CNTN5: variants seen among roughly 807,000 people sequenced by gnomAD.
The protein encoded by CNTN5 is contactin-5.
Under a neutral mutation model 129.1 loss-of-function variants are expected in CNTN5, and 77 were observed. That is an observed-to-expected ratio of 0.60 (90% CI 0.50 to 0.72). The LOEUF (loss-of-function observed/expected upper bound fraction) is 0.72. CNTN5 is among the 30% of genes least tolerant of loss of function. The probability of loss-of-function intolerance (pLI) is 0.00; values close to 1 mark genes in which losing one functional copy is unlikely to be tolerated. For synonymous variants in CNTN5, 509 were observed against 465.6 expected, an observed-to-expected ratio of 1.09 and a Z score of -1.20; for missense variants, 1,478 against 1,328.8, an observed-to-expected ratio of 1.11 and a Z score of -1.75.
Position 99,596,329 on chromosome 11 carries a change from T to C in CNTN5, c.55+40060T>C, listed in dbSNP as rs1051852858. On this transcript the variant is annotated intron_variant, in intron 3 of 24. Transcript: ENST00000524871. ...GTCATTGACTATCCTACTAATAGCA[T>C]AGTAAGAGCAAGGAGTTCTGGAAAC... 1.6e-4 allele frequency among the ~76,000 whole-genome samples: 24 copies of C among 152,172 alleles called. 1 individual carries two copies. The highest frequency in any genetic ancestry group is 5.8e-4 in the African/African-American group (24 of 41,436).
At chr11:100,109,361 G>A (rs559386855) in intron 13 of CNTN5, among the ~76,000 whole-genome samples, 2 of 152,258 alleles carry the variant, frequency 1.3e-5, no homozygotes, top group East Asian at 3.9e-4. Context: ...GGGAGGCGGA[G>A]GTTGCAGTAA....
chr11:100,279,936 G>T (rs1591468607), intron 18 of CNTN5, among the ~76,000 whole-genome samples: 1 of 143,314 alleles, frequency 7.0e-6, no homozygotes, highest in Non-Finnish European at 1.5e-5. Flanking sequence ...TAATGATTTA[G>T]GCACTTATAG....
chr11:100,019,492 G>C (rs1180712306), intron 9 of CNTN5, among the ~76,000 whole-genome samples: 1 of 151,912 alleles, frequency 6.6e-6, no homozygotes, highest in East Asian at 1.9e-4. Flanking sequence ...ATGTCCTCCA[G>C]GTTCATCCAT....
intron 2 of CNTN5, among the ~76,000 whole-genome samples, chr11:99,396,209 A>C (rs925075783): frequency 7.9e-5 from 12 of 151,212 alleles, no homozygotes; most frequent in Admixed American, 7.3e-4. Flanking sequence ...TGTGTCAATG[A>C]GATAATTTTC....
chr11:100,275,352 C>A (rs1950487022), intron 18 of CNTN5, among the ~76,000 whole-genome samples: 2 of 152,228 alleles, frequency 1.3e-5, no homozygotes, highest in African/African-American at 2.4e-5. Flanking sequence ...TATGTACTCA[C>A]TGTGCAGCTA....
At chr11:99,291,908 C>A (rs1438315205) in intron 1 of CNTN5, among the ~76,000 whole-genome samples, 1 of 151,930 alleles carries the variant, frequency 6.6e-6, no homozygotes, top group Non-Finnish European at 1.5e-5. Flanking sequence ...AAATAAGTGG[C>A]AATACTTAAA....
intron 8 of CNTN5, among the ~76,000 whole-genome samples, chr11:99,966,509 T>C (rs1451370632): frequency 1.3e-5 from 2 of 152,174 alleles, no homozygotes; most frequent in African/African-American, 2.4e-5. Flanking sequence ...GGAGGGTGTA[T>C]TGATGGACTT....
chr11:99,339,760 C>CT, intron 2 of CNTN5, among the ~76,000 whole-genome samples: 1 of 146,806 alleles, frequency 6.8e-6, no homozygotes, highest in East Asian at 2.0e-4. Context: ...CCAGCCTGCG[C>CT]TACAGAGTGA....
intron 1 of CNTN5, chr11:99,049,927 G>T (rs969222775): frequency 3.9e-5 from 6 of 152,110 alleles, no homozygotes; most frequent in Non-Finnish European, 8.8e-5. Context: ...AAAAAGGAAA[G>T]AATAAAGTCT....
chr11:99,864,591 C>G (rs1031952223), intron 6 of CNTN5, among the ~76,000 whole-genome samples: 4 of 152,106 alleles, frequency 2.6e-5, no homozygotes, highest in African/African-American at 9.7e-5. Flanking sequence ...CTTGGATCTT[C>G]CTATGTTTCC....
chr11:99,779,704 T>C (rs553918647), intron 3 of CNTN5, among the ~76,000 whole-genome samples: 1 of 152,132 alleles, frequency 6.6e-6, no homozygotes, highest in East Asian at 1.9e-4. Flanking sequence ...AATAAGTAAC[T>C]TAAAAAAGTA....
intron 2 of CNTN5, among the ~76,000 whole-genome samples, chr11:99,463,460 C>A (rs767412832): frequency 0.04 from 2,710 of 68,594 alleles, 57 homozygotes; most frequent in Middle Eastern, 0.1. Context: ...AAAAAAAAAA[C>A]AATAGAAGAA....
At chr11:99,434,938 A>G (rs1268601842) in intron 2 of CNTN5, among the ~76,000 whole-genome samples, 2 of 152,162 alleles carry the variant, frequency 1.3e-5, no homozygotes, top group African/African-American at 4.8e-5. Flanking sequence ...TTAAGATTTA[A>G]TCTTGCATCC....
intron 20 of CNTN5, among the ~76,000 whole-genome samples, chr11:100,303,037 C>A (rs1440900189): frequency 1.3e-5 from 2 of 151,630 alleles, no homozygotes; most frequent in Middle Eastern, 3.4e-3. Context: ...CACCCGTAAG[C>A]CTTTGAAACC....
At chr11:99,766,362 G>A (rs551569632) in intron 3 of CNTN5, among the ~76,000 whole-genome samples, 1 of 152,048 alleles carries the variant, frequency 6.6e-6, no homozygotes, top group Admixed American at 6.6e-5. Flanking sequence ...TACTAATGGA[G>A]CAAGATAGAA....
At chr11:100,110,579 A>G (rs1193415935) in intron 13 of CNTN5, among the ~76,000 whole-genome samples, 1 of 152,242 alleles carries the variant, frequency 6.6e-6, no homozygotes, top group Non-Finnish European at 1.5e-5. Context: ...CTATTTATAA[A>G]CCATATAATG....
chr11:99,492,431 A>G (rs1305655160), intron 2 of CNTN5, among the ~76,000 whole-genome samples: 1 of 152,176 alleles, frequency 6.6e-6, no homozygotes, highest in African/African-American at 2.4e-5. Context: ...TTACCTCAGC[A>G]TTCTTTTTTC....
At chr11:100,063,779 C>G (rs960206822) in intron 10 of CNTN5, among the ~76,000 whole-genome samples, 3 of 151,174 alleles carry the variant, frequency 2.0e-5, no homozygotes, top group Admixed American at 1.3e-4. Context: ...CCCAAATACT[C>G]AGAAGCCTGA....
chr11:99,385,583 G>A (rs1197309913), intron 2 of CNTN5, among the ~76,000 whole-genome samples: 1 of 152,198 alleles, frequency 6.6e-6, no homozygotes, highest in Non-Finnish European at 1.5e-5. Context: ...ACATAGTAGA[G>A]AGAGAAAATT....
Sources: gnomAD v4.1 joint callset for allele counts (sites outside exome capture counted in the v4.1 genomes callset) on GRCh38, gnomAD v4.1.1 for gene constraint, MANE v1.5 for transcripts, NCBI Gene and HGNC (gene_info 2026-07-23, HGNC 2026-07-21) for gene names.